PTPRF: variants seen among roughly 807,000 people sequenced by gnomAD.
PTPRF encodes receptor-type tyrosine-protein phosphatase F.
A neutral mutation model predicts 201.8 loss-of-function variants in PTPRF; 59 were observed. The ratio of observed to expected loss-of-function variants is 0.29; its 90% CI spans 0.24 to 0.36. The LOEUF is 0.36. PTPRF is among the 10% of genes least tolerant of loss of function. PTPRF has a pLI of 1.00. For missense variants in PTPRF, 2,132 were observed against 2,690.5 expected (o/e 0.79, Z 4.59); for synonymous variants, 1,088 against 1,089.7 (o/e 1.00, Z 0.03).
chr1:43,603,307 G>T lies in PTPRF; in HGVS notation c.2341-109G>T. 1.1e-6 allele frequency: 1 copy of T among 941,830 alleles called. No individual in the cohort carries two copies. Among genetic ancestry groups the T allele is most frequent in the South Asian group, 1.4e-5 (1 of 70,774 alleles). 58.3% of individuals were successfully genotyped at this position (941,830 alleles called of 1,614,324 possible). ...ATAGCCCCACCTTCCACAACCCCTG[G>T]CCTTGTGTGCCCCGGGGCTCCCCTC... On this transcript the variant is annotated intron_variant, in intron 14 of 33. Coordinates refer to ENST00000359947, the MANE Select transcript of PTPRF (RefSeq NM_002840.5). The surrounding 1 kb of genome is among the most constrained non-coding windows in gnomAD (Gnocchi z 5.8).
chr1:43,588,635 C>G lies in PTPRF; in HGVS notation c.680-96C>G. 6.7e-7 allele frequency: 1 copy of G among 1,503,342 alleles called. No individual in the cohort carries two copies. Among genetic ancestry groups the G allele is most frequent in the South Asian group, 1.3e-5 (1 of 78,370 alleles). 93.1% of individuals were successfully genotyped at this position (1,503,342 alleles called of 1,614,324 possible). The stretch of plus-strand genomic sequence containing the variant: ...CCTGTCTCTGAGCATGGGTTTGGCT[C>G]TGACCAGAGGGGCTTCCTGAATGAG... On this transcript the variant is annotated intron_variant, in intron 7 of 33. Transcript: ENST00000359947. The surrounding 1 kb of genome is among the most constrained non-coding windows in gnomAD (Gnocchi z 5.3).
At chr1:43,614,223 C>T (rs560521628) in intron 23 of PTPRF, among the ~76,000 whole-genome samples, 4 of 152,310 alleles carry the variant, frequency 2.6e-5, no homozygotes, top group African/African-American at 9.6e-5. Flanking sequence ...GTGACTTGCC[C>T]AAGTCAAACA....
intron 5 of PTPRF, among the ~76,000 whole-genome samples, chr1:43,560,349 T>C (rs1031502238): frequency 6.6e-6 from 1 of 152,078 alleles, no homozygotes; most frequent in Non-Finnish European, 1.5e-5. Flanking sequence ...GCAGGCTGTG[T>C]GCTTGTACAT....
chr1:43,613,151 G>T, intron 22 of PTPRF: 1 of 321,486 alleles, frequency 3.1e-6, no homozygotes, highest in Non-Finnish European at 6.1e-6. Flanking sequence ...TATTGTGTCT[G>T]TACTTCATGA....
chr1:43,554,010 A>G lies in PTPRF; in HGVS notation c.379+69A>G. ...GCGTGGGAAGAGCCAGCCAGCCCTG[A>G]TCCTGTCCTGGGCCCATGTGCATTT... On this transcript the variant is annotated intron_variant, in intron 5 of 33. Transcript: ENST00000359947. The surrounding 1 kb of genome is among the most constrained non-coding windows in gnomAD (Gnocchi z 4.1). The G allele has an allele frequency of 6.3e-7, 1 of 1,583,874 alleles. No homozygotes were observed. The highest frequency in any genetic ancestry group is 1.3e-5 in the African/African-American group (1 of 74,540).
chr1:43,576,776 G>A (rs1021049239), intron 6 of PTPRF, among the ~76,000 whole-genome samples: 1 of 152,244 alleles, frequency 6.6e-6, no homozygotes, highest in African/African-American at 2.4e-5. Context: ...CTGTAAAATG[G>A]TGGCTTGTCT....
rs1645150655 is a variant in PTPRF at position 43,553,350 on chromosome 1, C to G, written c.92-142C>G. ...GTTAAACTCTCTGAACAGTGCCTGG[C>G]ACATACTAAGCGCTACATAAAGGTG... On this transcript the variant is annotated intron_variant, in intron 3 of 33. Coordinates refer to ENST00000359947, the MANE Select transcript of PTPRF (RefSeq NM_002840.5). This position sits in a 1 kb window ranked among gnomAD's most constrained non-coding sequence, Gnocchi z 4.1. 1.1e-6 allele frequency: 1 copy of G among 912,700 alleles called. No homozygotes were observed. Among genetic ancestry groups the G allele is most frequent in the Admixed American group, 2.3e-5 (1 of 43,782 alleles). 56.5% of individuals were successfully genotyped at this position (912,700 alleles called of 1,614,324 possible).
intron 32 of PTPRF, 43 bp downstream of exon 32, chr1:43,621,035 G>A (rs1050852889): frequency 5.0e-6 from 8 of 1,610,498 alleles, no homozygotes; most frequent in Non-Finnish European, 6.8e-6. Flanking sequence ...TGGGCCTGAA[G>A]GCCTGGCAGA....
rs1645225887 is a variant in PTPRF, at chr1:43,554,534, C to T, written c.379+593C>T. On this transcript the variant is annotated intron_variant, in intron 5 of 33. Coordinates refer to ENST00000359947, the MANE Select transcript of PTPRF (RefSeq NM_002840.5). The surrounding 1 kb of genome is among the most constrained non-coding windows in gnomAD (Gnocchi z 4.1). ...GGCAGTTGGCAGCTAGGCAGGTGCC[C>T]AGGCCCAGAAGCAAGAGAGGATGGA... Among the ~76,000 whole-genome samples, 1 of 152,150 alleles carries T rather than the reference C, an allele frequency of 6.6e-6. No individual in the cohort carries two copies. The highest frequency in any genetic ancestry group is 2.4e-5 in the African/African-American group (1 of 41,422).
chr1:43,602,027 C>T (rs1181010897), intron 13 of PTPRF, 44 bp from the exon 14 acceptor site: 1 of 1,598,740 alleles, frequency 6.3e-7, no homozygotes, highest in Non-Finnish European at 8.6e-7. Context: ...AGGTCAGAGT[C>T]CTTCACCATC....
intron 30 of PTPRF, 95 bp from the exon 31 acceptor site, chr1:43,620,358 AC>A: frequency 6.6e-7 from 1 of 1,520,254 alleles, no homozygotes. Flanking sequence ...GCCCGTTATT[AC>A]TACCTGAGGC....
At chr1:43,523,904 G>A (rs1643020387), upstream of PTPRF, among the ~76,000 whole-genome samples, 2 of 149,486 alleles carry the variant, frequency 1.3e-5, no homozygotes, top group Non-Finnish European at 3.0e-5. Context: ...AAAAAAAAAG[G>A]AAAAAAAAAT....
chr1:43,525,815 A>G (rs1237770869), upstream of PTPRF, among the ~76,000 whole-genome samples: 1 of 150,100 alleles, frequency 6.7e-6, no homozygotes, highest in Non-Finnish European at 1.5e-5. Context: ...AAAAAAAAAA[A>G]AAAAAAAAAA....
intron 1 of PTPRF, among the ~76,000 whole-genome samples, chr1:43,531,409 C>A (rs1171681614): frequency 7.0e-6 from 1 of 143,546 alleles, no homozygotes; most frequent in East Asian, 2.2e-4. Context: ...GCCCCCCCCA[C>A]CCAGCGCAAA....
In PTPRF at chr1:43,619,691, C is replaced by G; in HGVS notation, c.4944C>G (p.Ser1648Arg). ...CTGCCTCTCAATAGTTGCTGGCCAG[C>G]TCCAAGGCCCACACGTCCCGCTTCA... ...AMELEFKLLA[S>R]SKAHTSRFIS... The change falls in exon 29 of 34, where the codon AGC becomes AGG. Residue 1648 changes from serine (S) to arginine (R), a missense_variant. Around this residue, in one of 6 missense-constraint regions of PTPRF, gnomAD observed 519 missense variants for 659.5 expected, o/e 0.79. Coordinates refer to ENST00000359947, the MANE Select transcript of PTPRF (RefSeq NM_002840.5). The G allele has an allele frequency of 1.9e-6, 3 of 1,614,040 alleles. No homozygotes were observed. Among genetic ancestry groups the G allele is most frequent in the Non-Finnish European group, 2.5e-6 (3 of 1,179,910 alleles).
chr1:43,534,142 TAAA>T (rs911757846), intron 1 of PTPRF, among the ~76,000 whole-genome samples: 1 of 152,008 alleles, frequency 6.6e-6, no homozygotes, highest in African/African-American at 2.4e-5. Flanking sequence ...TTGAGATAGA[TAAA>T]AACCAGTATG....
At chr1:43,597,700 G>A (rs1213160574) in intron 11 of PTPRF, 48 bp from the exon 12 acceptor site, 3 of 1,284,790 alleles carry the variant, frequency 2.3e-6, no homozygotes, top group Non-Finnish European at 3.3e-6. Context: ...TTGTGCCTGT[G>A]ATCCCCACCC....
At chr1:43,617,151 G>C (rs1658067374) in intron 23 of PTPRF, among the ~76,000 whole-genome samples, 2 of 152,100 alleles carry the variant, frequency 1.3e-5, no homozygotes, top group South Asian at 4.1e-4. Flanking sequence ...CATTTCATTA[G>C]GTGAGTGCAG....
At chr1:43,613,468 C>T (rs1040248858) in intron 22 of PTPRF, 150 bp from the exon 23 acceptor site, 27 of 694,690 alleles carry the variant, frequency 3.9e-5, no homozygotes, top group Middle Eastern at 2.4e-4. Flanking sequence ...CCATCCCTGT[C>T]GCCGCATGTG....
Sources: allele counts gnomAD v4.1 joint callset (sites outside exome capture counted in the v4.1 genomes callset), GRCh38; gene constraint gnomAD v4.1.1; regional missense constraint gnomAD v4.1.1; non-coding constraint Gnocchi (gnomAD v3.1); transcripts MANE v1.5; gene names NCBI Gene and HGNC (gene_info 2026-07-23, HGNC 2026-07-21).